Variants in EHD4 observed in about 807,000 individuals in gnomAD.
EHD4 encodes EH domain containing 4, also known as EH domain-containing protein 4.
Under a neutral mutation model 51.0 loss-of-function variants are expected in EHD4, and 37 were observed. The observed-to-expected ratio is 0.73, with a 90% CI of 0.56 to 0.95. The LOEUF (loss-of-function observed/expected upper bound fraction) is 0.95. EHD4 is among the 40% of genes least tolerant of loss of function. The probability of loss-of-function intolerance (pLI) is 0.00; values close to 1 mark genes in which losing one functional copy is unlikely to be tolerated. For missense variants in EHD4, 632 were observed against 733.1 expected (o/e 0.86, Z 1.59); for synonymous variants, 297 against 317.3 (o/e 0.94, Z 0.68).
chr15:41,946,351 C>T (rs2067814585), intron 2 of EHD4, among the ~76,000 whole-genome samples: 1 of 152,120 alleles, frequency 6.6e-6, no homozygotes, highest in Non-Finnish European at 1.5e-5. Context: ...TAAGGAAGGG[C>T]CAGGGGTAGC....
intron 1 of EHD4, among the ~76,000 whole-genome samples, chr15:41,963,560 C>CTGCA (rs1437943335): frequency 6.8e-6 from 1 of 147,488 alleles, no homozygotes; most frequent in Non-Finnish European, 1.5e-5. Flanking sequence ...GAACGTGCTA[C>CTGCA]TGCACTCCAG....
chr15:41,959,467 G>A (rs990868329), intron 1 of EHD4, among the ~76,000 whole-genome samples: 5 of 149,686 alleles, frequency 3.3e-5, no homozygotes, highest in African/African-American at 1.2e-4. Flanking sequence ...AAATATGTTC[G>A]TGCATACCTT....
chr15:41,962,226 A>AT lies in EHD4; in HGVS notation c.237-8287dup, dbSNP rs573254068. ...TCCAGGACAAATGGATCCCAGTGGG[A>AT]TTTTTTTTTGTTTGTTTTGAAGAAC... On this transcript the variant is annotated intron_variant, in intron 1 of 5. Transcript: ENST00000220325. 2.8e-4 allele frequency among the ~76,000 whole-genome samples: 43 copies of AT among 151,854 alleles called. No homozygotes were observed. In the South Asian group the frequency reaches 6.9e-3, roughly 24 times the overall value.
chr15:41,927,658 G>C (rs182101026), intron 3 of EHD4, among the ~76,000 whole-genome samples: 2 of 152,304 alleles, frequency 1.3e-5, no homozygotes, highest in Non-Finnish European at 2.9e-5. Flanking sequence ...CAAAATCAGA[G>C]AGGGGAACCA....
intron 3 of EHD4, among the ~76,000 whole-genome samples, chr15:41,935,075 C>T (rs931509306): frequency 6.6e-6 from 1 of 152,182 alleles, no homozygotes; most frequent in South Asian, 2.1e-4. Flanking sequence ...CTGCCTTCCC[C>T]GAATCTGCCA....
chr15:41,912,016 C>A (rs1408918352), intron 4 of EHD4, among the ~76,000 whole-genome samples: 1 of 152,200 alleles, frequency 6.6e-6, no homozygotes, highest in African/African-American at 2.4e-5. Flanking sequence ...CTGAACTCAG[C>A]TGATGTGCAC....
At chr15:41,928,384 G>C (rs1043763887) in intron 3 of EHD4, 1 of 152,042 alleles carries the variant, frequency 6.6e-6, no homozygotes, top group Non-Finnish European at 1.5e-5. Flanking sequence ...TTAAGTATCC[G>C]ACCCAAGGCA....
Position 41,919,266 on chromosome 15 carries a change from G to T in EHD4, c.868C>A (p.Gln290Lys), listed in dbSNP as rs376774893. Residue 290 changes from glutamine (Q) to lysine (K), a missense_variant, in exon 4 of 6, where the codon CAG becomes AAG. Transcript: ENST00000220325. Reference protein sequence around the residue: ...DLFRDIQSLPQKAAVRKLNDL... With the variant: ...DLFRDIQSLPKKAAVRKLNDL... ...TTGAGCTTGCGCACCGCTGCCTTCT[G>T]GGGGAGGCTCTGGATGTCTCTAAAG... is the stretch of plus-strand genomic sequence containing the variant. 1.9e-5 allele frequency: 30 copies of T among 1,613,980 alleles called. No homozygotes were observed. The African/African-American group carries it at 2.1e-4, about 11-fold the overall frequency.
intron 2 of EHD4, among the ~76,000 whole-genome samples, chr15:41,950,606 A>C (rs2067846698): frequency 6.6e-6 from 1 of 152,222 alleles, no homozygotes; most frequent in Non-Finnish European, 1.5e-5. Context: ...TGTGTGATGC[A>C]GTGGCACTGT....
At chr15:41,946,131 C>T (rs952590635) in intron 2 of EHD4, among the ~76,000 whole-genome samples, 14 of 152,208 alleles carry the variant, frequency 9.2e-5, no homozygotes, top group African/African-American at 2.7e-4. Context: ...ATTTCCTACT[C>T]CTTCCTGGGG....
chr15:41,915,793 C>G (rs1459930146), intron 4 of EHD4, among the ~76,000 whole-genome samples: 1 of 152,066 alleles, frequency 6.6e-6, no homozygotes, highest in Non-Finnish European at 1.5e-5. Flanking sequence ...AGAGTGTGAG[C>G]CGTCTTCCAA....
At chr15:41,904,868 C>T (rs529109726) in intron 5 of EHD4, among the ~76,000 whole-genome samples, 21 of 152,378 alleles carry the variant, frequency 1.4e-4, no homozygotes, top group African/African-American at 4.6e-4. Context: ...GTGCCAGGCA[C>T]GCACAGGCAG....
intron 3 of EHD4, among the ~76,000 whole-genome samples, chr15:41,924,434 AG>A (rs35458099): frequency 6.6e-6 from 1 of 152,194 alleles, no homozygotes; most frequent in Non-Finnish European, 1.5e-5. Flanking sequence ...GGGCTACCCT[AG>A]GGCTGATAAT....
intron 4 of EHD4, 66 bp downstream of exon 4, chr15:41,919,144 T>C: frequency 6.3e-7 from 1 of 1,592,452 alleles, no homozygotes; most frequent in Non-Finnish European, 8.6e-7. Flanking sequence ...CCACCCATCT[T>C]GCCTCTGGAG....
chr15:41,969,557 T>A (rs753531869), intron 1 of EHD4, among the ~76,000 whole-genome samples: 3 of 147,700 alleles, frequency 2.0e-5, no homozygotes, highest in Middle Eastern at 3.5e-3. Flanking sequence ...AAAAAAAAAA[T>A]TGTGTAGTTT....
intron 2 of EHD4, among the ~76,000 whole-genome samples, chr15:41,949,541 A>C (rs915937005): frequency 6.6e-6 from 1 of 152,120 alleles, no homozygotes; most frequent in Admixed American, 6.6e-5. Flanking sequence ...GTTTATCATC[A>C]CCATCATCAG....
At chr15:41,972,196 C>T in intron 1 of EHD4, 63 bp downstream of exon 1, 1 of 1,303,376 alleles carries the variant, frequency 7.7e-7, no homozygotes, top group Non-Finnish European at 9.8e-7. Context: ...AGGCGGCCGA[C>T]TGCGGCGCAC....
intron 4 of EHD4, among the ~76,000 whole-genome samples, chr15:41,915,795 G>T (rs1010889709): frequency 2.0e-5 from 3 of 152,020 alleles, no homozygotes; most frequent in Non-Finnish European, 4.4e-5. Flanking sequence ...AGTGTGAGCC[G>T]TCTTCCAAGA....
intron 3 of EHD4, among the ~76,000 whole-genome samples, chr15:41,936,065 T>C (rs962772439): frequency 2.0e-5 from 3 of 152,244 alleles, no homozygotes; most frequent in Non-Finnish European, 4.4e-5. Flanking sequence ...CATTCGGCTT[T>C]CCACAGAATG....
Sources: gnomAD v4.1 joint callset for allele counts (sites outside exome capture counted in the v4.1 genomes callset) on GRCh38, gnomAD v4.1.1 for gene constraint, MANE v1.5 for transcripts, NCBI Gene and HGNC (gene_info 2026-07-23, HGNC 2026-07-21) for gene names.